The following PALB2 variants were observed in gnomAD, a reference collection of about 807,000 sequenced individuals.
PALB2 encodes mutant partner and localizer of BRCA2.
In PALB2, 82 loss-of-function variants were observed where a neutral mutation model predicts 107.4. That is an observed-to-expected ratio of 0.76 (90% CI 0.64 to 0.92). PALB2 has a LOEUF of 0.92. Ranked by LOEUF, PALB2 falls within the 40% of genes least tolerant of loss-of-function variation. PALB2 has a pLI of 0.00. For missense variants in PALB2, 1,374 were observed against 1,379.9 expected, an observed-to-expected ratio of 1.00 and a Z score of 0.07; for synonymous variants, 489 against 496.8, an observed-to-expected ratio of 0.98 and a Z score of 0.21.
intron 11 of PALB2, among the ~76,000 whole-genome samples, chr16:23,612,465 C>G (rs1377244486): frequency 6.6e-6 from 1 of 151,816 alleles, no homozygotes; most frequent in African/African-American, 2.4e-5. Context: ...ATGATACACC[C>G]ACATCGGCCT....
At chr16:23,614,808 G>A (rs1382234439) in intron 10 of PALB2, among the ~76,000 whole-genome samples, 3 of 150,950 alleles carry the variant, frequency 2.0e-5, no homozygotes, top group South Asian at 2.1e-4. Context: ...CCGCCACTAC[G>A]CCCGGCTAAT....
In PALB2 at chr16:23,607,890, GT is replaced by G. The variant is rs180177135; in HGVS notation, c.3323del (p.Tyr1108SerfsTer16). Reference protein sequence around the residue: ...KTTLSVGVMLYCLPPGQAGRF... With the variant: ...KTTLSVGVMLXCLPPGQAGRF... ...TGCCAGCCTGCCCTGGAGGAAGACA[GT>G]ACAGCATCACACCCACGCTGAGAGT... On this transcript the variant is annotated frameshift_variant, in exon 12 of 13. Coordinates refer to ENST00000261584, the MANE Select transcript of PALB2 (RefSeq NM_024675.4). LOFTEE classifies it high-confidence loss of function. The G allele has an allele frequency of 3.7e-6, 6 of 1,613,894 alleles. No homozygotes were observed. The African/African-American group carries it at 8.0e-5, about 22-fold the overall frequency.
In PALB2 at chr16:23,603,674, T is replaced by C. The variant is rs749386551; in HGVS notation, c.3351-5A>G. 2.5e-6 allele frequency: 4 copies of C among 1,608,542 alleles called. No individual in the cohort carries two copies. The South Asian group carries it at 3.3e-5, about 13-fold the overall frequency. On this transcript the variant is annotated splice_polypyrimidine_tract_variant and splice_region_variant and intron_variant, in intron 12 of 12. Coordinates refer to ENST00000261584, the MANE Select transcript of PALB2 (RefSeq NM_024675.4). ...TTCACGTCACCTTCCAGGAACCTGA[T>C]AGCATACAAAGAAGATATAATTCAG...
chr16:23,614,626 T>A (rs1966646503), intron 10 of PALB2, among the ~76,000 whole-genome samples: 1 of 151,606 alleles, frequency 6.6e-6, no homozygotes, highest in Non-Finnish European at 1.5e-5. Context: ...AGATAAAGTT[T>A]GTTGGAATCA....
chr16:23,618,749 A>G (rs576118717), intron 10 of PALB2, among the ~76,000 whole-genome samples: 1 of 152,350 alleles, frequency 6.6e-6, no homozygotes, highest in Non-Finnish European at 1.5e-5. Context: ...GATTATTTTA[A>G]CAGTTCAGGA....
At chr16:23,609,581 G>A (rs981025482) in intron 11 of PALB2, among the ~76,000 whole-genome samples, 2 of 151,956 alleles carry the variant, frequency 1.3e-5, no homozygotes, top group Non-Finnish European at 2.9e-5. Context: ...GCAGTGGTGC[G>A]ATGTCTGCTC....
intron 6 of PALB2, 58 bp downstream of exon 6, chr16:23,629,146 G>T (rs249954): frequency 7.5e-7 from 1 of 1,334,540 alleles, no homozygotes; most frequent in Non-Finnish European, 1.1e-6. Context: ...ATTCTTTTCA[G>T]TTCATTAAAG....
At chr16:23,630,653 T>G (rs1480892189) in intron 4 of PALB2, among the ~76,000 whole-genome samples, 184 bp from the exon 5 acceptor site, 2 of 152,222 alleles carry the variant, frequency 1.3e-5, no homozygotes, top group African/African-American at 4.8e-5. Flanking sequence ...GTTAAACCAT[T>G]CTTAAATGTA....
At chr16:23,613,212 C>G (rs1012350459) in intron 11 of PALB2, among the ~76,000 whole-genome samples, 4 of 152,118 alleles carry the variant, frequency 2.6e-5, no homozygotes, top group Non-Finnish European at 5.9e-5. Context: ...CACATTGTTG[C>G]TAACTACAGT....
At chr16:23,619,829 G>A (rs1275007622) in intron 10 of PALB2, among the ~76,000 whole-genome samples, 1 of 151,940 alleles carries the variant, frequency 6.6e-6, no homozygotes, top group Non-Finnish European at 1.5e-5. Flanking sequence ...GCCCAGGCTG[G>A]AGTGCAGTGG....
intron 10 of PALB2, among the ~76,000 whole-genome samples, chr16:23,620,128 T>G (rs1046741264): frequency 6.6e-6 from 1 of 152,162 alleles, no homozygotes; most frequent in African/African-American, 2.4e-5. Flanking sequence ...ACAGTTAACT[T>G]GGCTGAACTT....
At position 23,635,077 on chromosome 16, in the gene PALB2, G is replaced by A. The variant is rs1060502797; in HGVS notation, c.1469C>T (p.Pro490Leu). The A allele has an allele frequency of 6.2e-7, 1 of 1,614,138 alleles. No homozygotes were observed. Among genetic ancestry groups the A allele is most frequent in the Non-Finnish European group, 8.5e-7 (1 of 1,180,010 alleles). ...GTCATTATCTTCAGTGGGCCCAGCG[G>A]GAGAGCTGACTTTAGTTAATGAGAG... is the stretch of plus-strand genomic sequence containing the variant. ...KLLSLTKVSS[P>L]AGPTEDNDLS... is the part of the protein sequence containing the mutation. The change falls in exon 4 of 13, where the codon CCC (proline) becomes CTC (leucine). Residue 490 changes from proline (P) to leucine (L), a missense_variant. Pro to Leu is a moderately conservative substitution (Grantham distance 98). Transcript: ENST00000261584.
rs730881903 is a variant in PALB2, at chr16:23,636,011, G to C, written c.535C>G (p.Gln179Glu). Residue 179 changes from glutamine to glutamate, a missense_variant, in exon 4 of 13, where the codon CAG becomes GAG. Transcript: ENST00000261584. ...GGATTTTTGCTACTGATTTCTTCCT[G>C]TTCCTTTAGTCTTTTCCCAGACAAT... ...LRLSGKRLKE[Q>E]EEISSKNPAR... 1 of 1,614,060 alleles carries C rather than the reference G, an allele frequency of 6.2e-7. No individual in the cohort carries two copies. Among genetic ancestry groups the C allele is most frequent in the Non-Finnish European group, 8.5e-7 (1 of 1,180,022 alleles).
intron 6 of PALB2, among the ~76,000 whole-genome samples, chr16:23,628,298 T>C (rs1360708887): frequency 6.6e-6 from 1 of 152,216 alleles, no homozygotes; most frequent in East Asian, 1.9e-4. Flanking sequence ...GGTATTACTA[T>C]GCATCCTTTA....
chr16:23,616,156 C>A (rs1966681061), intron 10 of PALB2, among the ~76,000 whole-genome samples: 1 of 152,178 alleles, frequency 6.6e-6, no homozygotes, highest in South Asian at 2.1e-4. Flanking sequence ...ATCCCTGTTA[C>A]TGACGAATTC....
rs765175665 is a variant in PALB2, at chr16:23,622,994, C to A, written c.2971G>T (p.Val991Phe). ...CCTCCATCTTCTGCAAACGTCATGA[C>A]TTCTACTTGTTGATCAGAAAGGGTC... The part of the protein sequence containing the change: ...SGTLSDQQVE[V>F]MTFAEDGGGK... The change falls in exon 9 of 13, where the codon GTC (valine) becomes TTC (phenylalanine). Residue 991 changes from valine to phenylalanine, a missense_variant. Val to Phe is a conservative substitution (Grantham distance 50). Transcript: ENST00000261584. The A allele has an allele frequency of 7.4e-6, 12 of 1,614,056 alleles. No individual in the cohort carries two copies. Among genetic ancestry groups the A allele is most frequent in the Non-Finnish European group, 1.0e-5 (12 of 1,180,044 alleles).
At position 23,607,579 on chromosome 16, in the gene PALB2, A is replaced by T. The variant is rs377743519; in HGVS notation, c.3350+285T>A. On this transcript the variant is annotated intron_variant, in intron 12 of 12. Transcript: ENST00000261584. ...CCAAAGTGCTGGGATTACAGGCATG[A>T]TCCACCATGTGCTGCCAAAATATTT... Among the ~76,000 whole-genome samples the T allele has an allele frequency of 3.9e-5, 6 of 152,140 alleles. No homozygotes were observed. The South Asian group carries it at 6.2e-4, about 16-fold the overall frequency.
chr16:23,623,029 C>A lies in PALB2; in HGVS notation c.2936G>T (p.Ser979Ile), dbSNP rs1417567084. 2 of 1,614,124 alleles carry A rather than the reference C, an allele frequency of 1.2e-6. No individual in the cohort carries two copies. Among genetic ancestry groups the A allele is most frequent in the Non-Finnish European group, 1.7e-6 (2 of 1,180,032 alleles). Residue 979 changes from serine (S) to isoleucine (I), a missense_variant, in exon 9 of 13, where the codon AGT becomes ATT. Physicochemically the swap from Ser to Ile is moderately radical, Grantham distance 142. Transcript: ENST00000261584. ...VLGLTKRRLV[S>I]SSGTLSDQQV... ...TTGATCAGAAAGGGTCCCACTGCTA[C>A]TAACTAGCCTCCTCTTTGTCAGGCC...
At chr16:23,638,011 G>T (rs515726061) in intron 2 of PALB2, 59 bp from the exon 3 acceptor site, 4 of 1,603,880 alleles carry the variant, frequency 2.5e-6, no homozygotes, top group Non-Finnish European at 8.5e-7. Flanking sequence ...ATAGAGTCAA[G>T]AACTGTTTTT....
Sources: gnomAD v4.1 joint callset for allele counts (sites outside exome capture counted in the v4.1 genomes callset) on GRCh38, gnomAD v4.1.1 for gene constraint, MANE v1.5 for transcripts, NCBI Gene and HGNC (gene_info 2026-07-23, HGNC 2026-07-21) for gene names.